FAM47E: variants seen among roughly 807,000 people sequenced by gnomAD.
FAM47E encodes the protein family with sequence similarity 47 member E, also known as protein FAM47E.
FAM47E carries 32 observed loss-of-function variants against 41.6 expected under a neutral mutation model. The ratio of observed to expected loss-of-function variants is 0.77; its 90% CI spans 0.58 to 1.03. FAM47E has a LOEUF of 1.03. Ranked by LOEUF, FAM47E falls within the 50% of genes least tolerant of loss-of-function variation. The pLI is 0.00. For synonymous variants in FAM47E, 184 were observed against 188.7 expected (o/e 0.98, Z 0.20); for missense variants, 424 against 485.4 (o/e 0.87, Z 1.19).
chr4:76,238,734 T>G (rs191066081), intron 2 of FAM47E, among the ~76,000 whole-genome samples: 76 of 152,292 alleles, frequency 5.0e-4, no homozygotes, highest in African/African-American at 1.7e-3. Context: ...TATTGTTTAT[T>G]TACCACAATT....
Position 76,235,147 on chromosome 4 carries a change from C to T in FAM47E, c.81+17459C>T, listed in dbSNP as rs997984835. On this transcript the variant is annotated intron_variant, in intron 2 of 7. Coordinates refer to the FAM47E transcript ENST00000510197. ...CATGGCTAACACGGTGAAAACCCGT[C>T]CCTACTAAAAAATACAAAAAATTAG... is the stretch of plus-strand genomic sequence containing the variant. Among the ~76,000 whole-genome samples the T allele has an allele frequency of 2.6e-5, 4 of 151,898 alleles. No individual in the cohort carries two copies. In the South Asian group the frequency reaches 6.3e-4, roughly 24 times the overall value.
intron 2 of FAM47E, among the ~76,000 whole-genome samples, chr4:76,226,209 A>G (rs2074279587): frequency 6.6e-6 from 1 of 152,126 alleles, no homozygotes; most frequent in Non-Finnish European, 1.5e-5. Flanking sequence ...CTGGGAACCC[A>G]TACTATTTAC....
chr4:76,279,323 A>G (rs925772020), intron 6 of FAM47E: 6 of 152,226 alleles, frequency 3.9e-5, no homozygotes, highest in African/African-American at 1.2e-4. Context: ...AAAAATAGCT[A>G]CAAACTTTTG....
rs77081137 is a variant in FAM47E at position 76,255,967 on chromosome 4, G to C, written c.75-211G>C. ...GGGGATAAAATAGACAAGAAAGCAA[G>C]AGAGGGGCTTTGTACGGAGCAGCAA... On this transcript the variant is annotated intron_variant, in intron 1 of 7. Coordinates refer to ENST00000424749, the MANE Select transcript of FAM47E (RefSeq NM_001136570.3). Among the ~76,000 whole-genome samples, 400 of 152,212 alleles carry C rather than the reference G, an allele frequency of 2.6e-3. 10 individuals carry two copies. The East Asian group carries it at 0.059, about 23-fold the overall frequency.
At chr4:76,264,053 A>G (rs918809193) in intron 3 of FAM47E, among the ~76,000 whole-genome samples, 3 of 152,230 alleles carry the variant, frequency 2.0e-5, no homozygotes, top group African/African-American at 7.2e-5. Flanking sequence ...ACGCAGACAC[A>G]GGCGTCTATA....
intron 6 of FAM47E, 94 bp from the exon 7 acceptor site, chr4:76,280,170 A>C: frequency 1.4e-6 from 1 of 728,666 alleles, no homozygotes; most frequent in Non-Finnish European, 2.3e-6. Flanking sequence ...AAAATGAGAT[A>C]CTTTATAAGG....
intron 2 of FAM47E, among the ~76,000 whole-genome samples, chr4:76,225,718 T>G (rs55777203): frequency 5.3e-5 from 8 of 151,668 alleles, no homozygotes; most frequent in Middle Eastern, 3.4e-3. Flanking sequence ...AAACCACCCC[T>G]GTATCCCTGG....
chr4:76,228,330 T>A (rs1468882254), intron 2 of FAM47E, among the ~76,000 whole-genome samples: 1 of 151,904 alleles, frequency 6.6e-6, no homozygotes, highest in Non-Finnish European at 1.5e-5. Flanking sequence ...AATACAAAAA[T>A]TAGCTGGGTG....
At chr4:76,276,000 C>T (rs1218921317) in intron 5 of FAM47E, among the ~76,000 whole-genome samples, 2 of 150,918 alleles carry the variant, frequency 1.3e-5, no homozygotes, top group Admixed American at 1.3e-4. Context: ...GCTAAACATT[C>T]TATGATGCAT....
intron 2 of FAM47E, among the ~76,000 whole-genome samples, chr4:76,257,365 C>A (rs1389730326): frequency 1.3e-5 from 2 of 152,104 alleles, no homozygotes; most frequent in African/African-American, 2.4e-5. Context: ...AGGGAGCTAG[C>A]AGTGACTGCA....
chr4:76,265,267 C>T (rs1734584305), intron 3 of FAM47E, among the ~76,000 whole-genome samples: 1 of 152,188 alleles, frequency 6.6e-6, no homozygotes, highest in South Asian at 2.1e-4. Context: ...AGCACAATTT[C>T]TCCTTGCTTC....
At chr4:76,241,698 T>C (rs1238550175) in intron 2 of FAM47E, among the ~76,000 whole-genome samples, 1 of 152,178 alleles carries the variant, frequency 6.6e-6, no homozygotes, top group Non-Finnish European at 1.5e-5. Context: ...CTAGAACAGT[T>C]GTTTAGGTGG....
chr4:76,237,198 A>G (rs1034867327), intron 2 of FAM47E, among the ~76,000 whole-genome samples: 4 of 151,766 alleles, frequency 2.6e-5, no homozygotes, highest in African/African-American at 7.3e-5. Flanking sequence ...CCTGGCCATA[A>G]AATGTTTCTT....
At chr4:76,238,890 G>C (rs1008614622) in intron 2 of FAM47E, among the ~76,000 whole-genome samples, 4 of 152,020 alleles carry the variant, frequency 2.6e-5, no homozygotes, top group Non-Finnish European at 5.9e-5. Flanking sequence ...TTGCAAAACT[G>C]TATTCATTAA....
At chr4:76,259,648 C>T (rs928636885) in intron 2 of FAM47E, among the ~76,000 whole-genome samples, 1 of 152,098 alleles carries the variant, frequency 6.6e-6, no homozygotes. Flanking sequence ...TAAGTGTAAT[C>T]AAAGCTTCTA....
chr4:76,217,029 C>T (rs995986841), intron 1 of FAM47E, among the ~76,000 whole-genome samples: 3 of 152,150 alleles, frequency 2.0e-5, no homozygotes, highest in Non-Finnish European at 4.4e-5. Flanking sequence ...ACACAAAGCC[C>T]CAAAATCCAG....
intron 2 of FAM47E, among the ~76,000 whole-genome samples, chr4:76,244,728 C>A (rs963633358): frequency 6.6e-6 from 1 of 151,650 alleles, no homozygotes; most frequent in Non-Finnish European, 1.5e-5. Context: ...TTAGTAGAGA[C>A]GGGGTTTCAC....
chr4:76,246,715 A>G (rs1733835265), intron 2 of FAM47E, among the ~76,000 whole-genome samples: 1 of 152,066 alleles, frequency 6.6e-6, no homozygotes, highest in Non-Finnish European at 1.5e-5. Context: ...AGTAACCACA[A>G]TTCTGACATT....
chr4:76,239,830 C>G (rs533082667), intron 2 of FAM47E, among the ~76,000 whole-genome samples: 1 of 152,088 alleles, frequency 6.6e-6, no homozygotes, highest in Admixed American at 6.6e-5. Context: ...AACTTTTGCC[C>G]TATGCTTTCT....
Sources: allele counts gnomAD v4.1 joint callset (sites outside exome capture counted in the v4.1 genomes callset), GRCh38; gene constraint gnomAD v4.1.1; transcripts MANE v1.5; gene names NCBI Gene and HGNC (gene_info 2026-07-23, HGNC 2026-07-21).